Variants in SLC25A10 observed in about 807,000 individuals in gnomAD.
SLC25A10 encodes mitochondrial dicarboxylate carrier.
Under a neutral mutation model 40.4 loss-of-function variants are expected in SLC25A10, and 32 were observed. That is an observed-to-expected ratio of 0.79 (90% CI 0.60 to 1.06). The LOEUF (loss-of-function observed/expected upper bound fraction) is 1.06, where lower values mean the gene tolerates loss of function less well. SLC25A10 is among the 50% of genes least tolerant of loss of function. SLC25A10 has a pLI of 0.00. For synonymous variants in SLC25A10, 181 were observed against 171.1 expected (o/e 1.06, Z -0.45); for missense variants, 394 against 402.6 (o/e 0.98, Z 0.18).
intron 5 of SLC25A10, 39 bp downstream of exon 5, chr17:81,716,089 A>G: frequency 1.3e-6 from 2 of 1,575,064 alleles, no homozygotes; most frequent in Non-Finnish European, 1.7e-6. Context: ...GTTGAGGTGC[A>G]GGAGGCTCGG....
At chr17:81,718,819 C>T (rs1480264030) in intron 9 of SLC25A10, among the ~76,000 whole-genome samples, 1 of 143,914 alleles carries the variant, frequency 6.9e-6, no homozygotes, top group Non-Finnish European at 1.5e-5. Flanking sequence ...CCTGGTGGCG[C>T]ACGCCTGTAA....
At chr17:81,713,295 C>G (rs1469165964) in intron 1 of SLC25A10, 5 of 203,348 alleles carry the variant, frequency 2.5e-5, no homozygotes, top group Non-Finnish European at 4.3e-5. Flanking sequence ...CTGACCGTGT[C>G]TTGCCACAGA....
chr17:81,718,912 G>A (rs1185847893), intron 9 of SLC25A10, among the ~76,000 whole-genome samples: 1 of 151,586 alleles, frequency 6.6e-6, no homozygotes, highest in Non-Finnish European at 1.5e-5. Context: ...TTGCACCACT[G>A]CACTCCAGCC....
In SLC25A10 at chr17:81,717,440, C is replaced by T. The variant is rs769222343; in HGVS notation, c.576C>T (p.Thr192=). Residue 192 remains threonine (T), a synonymous_variant, in exon 8 of 11, where the codon ACC becomes ACT. Transcript: ENST00000350690. Reference sequence around the variant, plus strand: ...AGGCCAAGCAGCTGGTCCTTAGCACCGGGTACCTCTCTGACAACATCTTCA... The same window carrying T: ...AGGCCAAGCAGCTGGTCCTTAGCACTGGGTACCTCTCTGACAACATCTTCA... ...YDQAKQLVLS[T]GYLSDNIFTH... 29 of 1,613,542 alleles carry T rather than the reference C, an allele frequency of 1.8e-5. No homozygotes were observed. In the South Asian group the frequency reaches 2.0e-4, roughly 11 times the overall value.
intron 6 of SLC25A10, 21 bp from the exon 7 acceptor site, chr17:81,716,981 C>T (rs377325147): frequency 1.2e-6 from 2 of 1,613,284 alleles, no homozygotes; most frequent in Non-Finnish European, 1.7e-6. Flanking sequence ...TCACCCCTTG[C>T]CTCACCCCTT....
At chr17:81,717,346 T>C (rs2037507181) in intron 7 of SLC25A10, 53 bp from the exon 8 acceptor site, 7 of 1,568,984 alleles carry the variant, frequency 4.5e-6, no homozygotes, top group South Asian at 1.1e-5. Flanking sequence ...CCTGTGTGCT[T>C]TCCCCAAGCT....
Position 81,712,285 on chromosome 17 carries a change from C to A in SLC25A10, c.-142C>A, listed in dbSNP as rs992662474. 1 of 290,582 alleles carries A rather than the reference C, an allele frequency of 3.4e-6. No homozygotes were observed. Among genetic ancestry groups the A allele is most frequent in the Non-Finnish European group, 5.4e-6 (1 of 185,844 alleles). The allele number at this position is 290,582 out of a possible 1,614,324, so 18.0% of individuals were successfully genotyped here. A position where few individuals can be genotyped will look rare whatever the true frequency, so the allele number is the denominator to read the frequency against. ...GTCCCGCCCCCGGGGCGCGCGCGCGCATTGGCTGTGCGGGGTGCGGGCGCG... is the reference window on the plus strand; with the variant it reads ...GTCCCGCCCCCGGGGCGCGCGCGCGAATTGGCTGTGCGGGGTGCGGGCGCG... On this transcript the variant is annotated 5_prime_UTR_variant, in exon 1 of 11. Coordinates refer to ENST00000350690, the MANE Select transcript of SLC25A10 (RefSeq NM_012140.5).
chr17:81,718,358 G>A (rs549749626), intron 9 of SLC25A10, among the ~76,000 whole-genome samples: 8 of 152,188 alleles, frequency 5.3e-5, no homozygotes, highest in Admixed American at 2.0e-4. Context: ...GGTGGCGTGC[G>A]CCTGTAATCC....
chr17:81,719,564 C>T (rs2037550657), intron 9 of SLC25A10, among the ~76,000 whole-genome samples: 1 of 152,328 alleles, frequency 6.6e-6, no homozygotes, highest in Non-Finnish European at 1.5e-5. Context: ...CTGTTCACAG[C>T]CCCCTCTGCC....
intron 9 of SLC25A10, among the ~76,000 whole-genome samples, chr17:81,719,104 C>T (rs1363689119): frequency 1.3e-5 from 2 of 149,686 alleles, no homozygotes; most frequent in Non-Finnish European, 3.0e-5. Context: ...GCTAATTTTT[C>T]ATATTTTTAG....
intron 5 of SLC25A10, among the ~76,000 whole-genome samples, chr17:81,716,486 G>A (rs568571778): frequency 6.6e-6 from 1 of 152,322 alleles, no homozygotes; most frequent in East Asian, 1.9e-4. Context: ...AAGGACCCCT[G>A]GGGAGTTCTG....
chr17:81,712,672 G>C (rs112926076), intron 1 of SLC25A10, among the ~76,000 whole-genome samples, 153 bp downstream of exon 1: 4,523 of 152,260 alleles, frequency 0.03, 89 homozygotes, highest in African/African-American at 0.054. Context: ...CCGGATGGCC[G>C]ATCCCGGGTG....
At chr17:81,717,912 C>G in intron 9 of SLC25A10, 51 bp downstream of exon 9, 2 of 1,435,822 alleles carry the variant, frequency 1.4e-6, no homozygotes, top group Non-Finnish European at 1.9e-6. Context: ...AGCGAGTCCC[C>G]TCACCTCTCC....
Position 81,715,794 on chromosome 17 carries a change from C to T in SLC25A10, c.377+53C>T, listed in dbSNP as rs2037475737. The T allele has an allele frequency of 3.7e-6, 6 of 1,605,894 alleles. No individual in the cohort carries two copies. The South Asian group carries it at 5.5e-5, about 15-fold the overall frequency. ...GGCCAGGGGCTTTCTTGTCCCCAGA[C>T]ATGCCAGGGCCTGCCAGGGCTGCTT... is the stretch of plus-strand genomic sequence containing the variant. On this transcript the variant is annotated intron_variant, in intron 4 of 10. Transcript: ENST00000350690.
rs141533668 is a variant in SLC25A10 at position 81,720,866 on chromosome 17, G to A, written c.*789G>A. On this transcript the variant is annotated 3_prime_UTR_variant, in exon 11 of 11. Coordinates refer to ENST00000350690, the MANE Select transcript of SLC25A10 (RefSeq NM_012140.5). Reference sequence around the variant, plus strand: ...TGGGGGAATGGCCCAGGCGGGCCGCGGTTCCTCCTTAGGGCCTTCTCCCCG... The same window carrying A: ...TGGGGGAATGGCCCAGGCGGGCCGCAGTTCCTCCTTAGGGCCTTCTCCCCG... The A allele has an allele frequency of 6.1e-4, 116 of 190,600 alleles. No homozygotes were observed. Among genetic ancestry groups the A allele is most frequent in the Non-Finnish European group, 8.4e-4 (79 of 93,704 alleles). 11.8% of individuals were successfully genotyped at this position (190,600 alleles called of 1,614,324 possible). A position where few individuals can be genotyped will look rare whatever the true frequency, so the allele number is the denominator to read the frequency against.
chr17:81,714,438 G>T (rs941048675), intron 1 of SLC25A10, among the ~76,000 whole-genome samples: 2 of 152,200 alleles, frequency 1.3e-5, no homozygotes, highest in Non-Finnish European at 2.9e-5. Flanking sequence ...CAGCCACACC[G>T]TCCCCTTGTC....
chr17:81,714,861 A>C, intron 1 of SLC25A10, 92 bp from the exon 2 acceptor site: 2 of 1,543,692 alleles, frequency 1.3e-6, no homozygotes, highest in Non-Finnish European at 1.7e-6. Flanking sequence ...AGGCCTTATC[A>C]CTGCCTCCTG....
intron 7 of SLC25A10, 69 bp downstream of exon 7, chr17:81,717,141 A>G: frequency 1.3e-6 from 2 of 1,544,652 alleles, no homozygotes; most frequent in African/African-American, 1.4e-5. Flanking sequence ...CAGAGGGGCC[A>G]TAGAACAAGG....
intron 1 of SLC25A10, among the ~76,000 whole-genome samples, chr17:81,713,894 G>T (rs2037429516): frequency 6.6e-6 from 1 of 152,374 alleles, no homozygotes; most frequent in South Asian, 2.1e-4. Flanking sequence ...CCAGCTGCTG[G>T]CAGCATATGG....
Sources: gnomAD v4.1 joint callset for allele counts (sites outside exome capture counted in the v4.1 genomes callset) on GRCh38, gnomAD v4.1.1 for gene constraint, MANE v1.5 for transcripts, NCBI Gene and HGNC (gene_info 2026-07-23, HGNC 2026-07-21) for gene names.